Variants in THSD7A observed in about 807,000 individuals in gnomAD.
THSD7A encodes the protein thrombospondin type 1 domain containing 7A, also known as thrombospondin type-1 domain-containing protein 7A.
THSD7A carries 96 observed loss-of-function variants against 231.3 expected under a neutral mutation model. That is an observed-to-expected ratio of 0.41 (90% CI 0.35 to 0.49). The LOEUF (loss-of-function observed/expected upper bound fraction) is 0.49. THSD7A is among the 20% of genes least tolerant of loss of function. The pLI is 0.05. For synonymous variants in THSD7A, 940 were observed against 743.3 expected, an observed-to-expected ratio of 1.26 and a Z score of -4.30; for missense variants, 2,290 against 2,070.2, an observed-to-expected ratio of 1.11 and a Z score of -2.06.
At chr7:11,773,805 A>G (rs1783314889) in intron 1 of THSD7A, among the ~76,000 whole-genome samples, 1 of 152,198 alleles carries the variant, frequency 6.6e-6, no homozygotes. Context: ...CTCATTTTAA[A>G]AATTAAAAAT....
chr7:11,477,842 C>T lies in THSD7A; in HGVS notation c.2018-3274G>A, dbSNP rs143854735. ...ACTTACTTCTGTTGAGGTCTTGCTGCTCTCAGGTCTTTTCAGTGAATGAGG... is the reference window on the plus strand; with the variant it reads ...ACTTACTTCTGTTGAGGTCTTGCTGTTCTCAGGTCTTTTCAGTGAATGAGG... On this transcript the variant is annotated intron_variant, in intron 7 of 27. Coordinates refer to ENST00000423059, the MANE Select transcript of THSD7A (RefSeq NM_015204.3). 8.7e-4 allele frequency among the ~76,000 whole-genome samples: 132 copies of T among 152,240 alleles called. 1 individual carries two copies. The highest frequency in any genetic ancestry group is 3.0e-3 in the African/African-American group (125 of 41,550).
At chr7:11,773,409 G>C (rs181245456) in intron 1 of THSD7A, among the ~76,000 whole-genome samples, 3 of 151,998 alleles carry the variant, frequency 2.0e-5, no homozygotes, top group African/African-American at 7.2e-5. Flanking sequence ...TCATGCCTGT[G>C]ACCCCAGCTA....
intron 1 of THSD7A, among the ~76,000 whole-genome samples, chr7:11,744,990 T>C (rs998172520): frequency 5.3e-5 from 8 of 151,998 alleles, no homozygotes; most frequent in Non-Finnish European, 8.8e-5. Flanking sequence ...ATGGTATTTC[T>C]AGTTCTAGAT....
chr7:11,501,903 G>A (rs1054471905), intron 6 of THSD7A, among the ~76,000 whole-genome samples: 8 of 152,098 alleles, frequency 5.3e-5, no homozygotes, highest in African/African-American at 1.2e-4. Context: ...TAATAGAAGA[G>A]AGAAAAGCCA....
chr7:11,500,631 G>A (rs1225155504), intron 6 of THSD7A, among the ~76,000 whole-genome samples: 3 of 151,476 alleles, frequency 2.0e-5, no homozygotes, highest in Non-Finnish European at 4.4e-5. Flanking sequence ...AATCTACCAA[G>A]CAAATGGAAA....
intron 1 of THSD7A, among the ~76,000 whole-genome samples, chr7:11,660,978 T>C (rs935616687): frequency 7.3e-5 from 11 of 151,478 alleles, no homozygotes; most frequent in Non-Finnish European, 1.5e-4. Context: ...GTGATTTGTC[T>C]CAACTTTTAC....
At chr7:11,719,258 G>A (rs1347935823) in intron 1 of THSD7A, among the ~76,000 whole-genome samples, 1 of 151,266 alleles carries the variant, frequency 6.6e-6, no homozygotes, top group Non-Finnish European at 1.5e-5. Flanking sequence ...TATGGTCTCT[G>A]TTTCCTCCCA....
chr7:11,381,974 G>A (rs1782534189), intron 24 of THSD7A, among the ~76,000 whole-genome samples: 2 of 152,066 alleles, frequency 1.3e-5, no homozygotes, highest in Admixed American at 1.3e-4. Flanking sequence ...TAATAATTTG[G>A]GGATGCAGGC....
intron 1 of THSD7A, among the ~76,000 whole-genome samples, chr7:11,687,550 C>A (rs114738027): frequency 0.011 from 1,622 of 151,968 alleles, 28 homozygotes; most frequent in African/African-American, 0.035. Context: ...TTGCTTTTAT[C>A]ACTGGGAAGG....
In THSD7A at chr7:11,447,257, C is replaced by T; in HGVS notation, c.2773G>A (p.Val925Ile). The T allele has an allele frequency of 2.5e-6, 4 of 1,613,116 alleles. No individual in the cohort carries two copies. Among genetic ancestry groups the T allele is most frequent in the African/African-American group, 1.3e-5 (1 of 74,972 alleles). Reference protein sequence around the residue: ...FSSCNGDCGAVRTRKRTLVGK... With the variant: ...FSSCNGDCGAIRTRKRTLVGK... Reference sequence around the variant, plus strand: ...ACAAGAGTGCGCTTTCTGGTCCTAACTGCACCACAGTCTCCATTGCATGAA... The same window carrying T: ...ACAAGAGTGCGCTTTCTGGTCCTAATTGCACCACAGTCTCCATTGCATGAA... The change falls in exon 12 of 28, where the codon GTT becomes ATT. Residue 925 changes from valine to isoleucine, a missense_variant. Physicochemically the swap from Val to Ile is conservative, Grantham distance 29. Transcript: ENST00000423059.
rs552943978 is a variant in THSD7A, at chr7:11,445,548, T to C, written c.3064+513A>G. 8.6e-5 allele frequency among the ~76,000 whole-genome samples: 13 copies of C among 151,216 alleles called. 1 individual carries two copies. Among genetic ancestry groups the C allele is most frequent in the Admixed American group, 4.0e-4 (6 of 15,090 alleles). On this transcript the variant is annotated intron_variant, in intron 13 of 27. Transcript: ENST00000423059. ...GTGTGTGTGTGTGTGTGTGTGTCAATCTAAATTCAATAGAGAATAAACGTT... is the reference window on the plus strand; with the variant it reads ...GTGTGTGTGTGTGTGTGTGTGTCAACCTAAATTCAATAGAGAATAAACGTT...
intron 1 of THSD7A, among the ~76,000 whole-genome samples, chr7:11,770,696 T>C (rs1011221205): frequency 8.5e-5 from 13 of 152,188 alleles, no homozygotes; most frequent in African/African-American, 2.7e-4. Flanking sequence ...AAATTATTTG[T>C]TCTAAACTTC....
At chr7:11,703,380 C>G (rs1042413913) in intron 1 of THSD7A, among the ~76,000 whole-genome samples, 1 of 151,304 alleles carries the variant, frequency 6.6e-6, no homozygotes, top group South Asian at 2.1e-4. Flanking sequence ...ATCTGAGGAT[C>G]AGAGATTTTA....
chr7:11,683,924 A>G (rs562614243), intron 1 of THSD7A, among the ~76,000 whole-genome samples: 19 of 152,032 alleles, frequency 1.2e-4, no homozygotes, highest in Middle Eastern at 6.8e-3. Flanking sequence ...AATAACAACA[A>G]CAACAACAAA....
At chr7:11,552,839 G>C (rs1247807875) in intron 4 of THSD7A, among the ~76,000 whole-genome samples, 1 of 152,012 alleles carries the variant, frequency 6.6e-6, no homozygotes, top group African/African-American at 2.4e-5. Flanking sequence ...CTTCCCATAA[G>C]CTATGTAAAC....
intron 1 of THSD7A, among the ~76,000 whole-genome samples, chr7:11,798,261 A>G (rs1249299439): frequency 6.6e-6 from 1 of 151,994 alleles, no homozygotes; most frequent in African/African-American, 2.4e-5. Flanking sequence ...CTTGAGGTCA[A>G]GAGTTCAAGA....
At chr7:11,480,114 T>G (rs908935820) in intron 7 of THSD7A, among the ~76,000 whole-genome samples, 2 of 152,188 alleles carry the variant, frequency 1.3e-5, no homozygotes, top group African/African-American at 4.8e-5. Flanking sequence ...TATATAAACA[T>G]CTATAACTTT....
intron 2 of THSD7A, among the ~76,000 whole-genome samples, chr7:11,628,547 G>T (rs550252989): frequency 6.8e-6 from 1 of 146,624 alleles, no homozygotes; most frequent in East Asian, 2.1e-4. Context: ...TTATCTGCAC[G>T]CACTTTCTCT....
intron 1 of THSD7A, among the ~76,000 whole-genome samples, chr7:11,639,739 A>G (rs1782008160): frequency 6.6e-6 from 1 of 152,182 alleles, no homozygotes; most frequent in Admixed American, 6.6e-5. Flanking sequence ...ATGTTTTATT[A>G]TAGAAATCTG....
Sources: gnomAD v4.1 joint callset for allele counts (sites outside exome capture counted in the v4.1 genomes callset) on GRCh38, gnomAD v4.1.1 for gene constraint, MANE v1.5 for transcripts, NCBI Gene and HGNC (gene_info 2026-07-23, HGNC 2026-07-21) for gene names.